The following LRMDA variants were observed in gnomAD, a reference collection of about 807,000 sequenced individuals.
LRMDA encodes leucine rich melanocyte differentiation associated, also known as leucine-rich melanocyte differentiation-associated protein.
A neutral mutation model predicts 29.8 loss-of-function variants in LRMDA; 18 were observed. The observed-to-expected ratio is 0.60, with a 90% CI of 0.42 to 0.90. LRMDA has a LOEUF of 0.90. LRMDA is among the 40% of genes least tolerant of loss of function. The pLI, the probability that LRMDA is intolerant of heterozygous loss-of-function variation, is 0.00. For synonymous variants in LRMDA, 125 were observed against 109.4 expected (o/e 1.14, Z -0.89); for missense variants, 273 against 273.9 (o/e 1.00, Z 0.02).
intron 5 of LRMDA, among the ~76,000 whole-genome samples, chr10:76,316,764 A>T (rs947883417): frequency 6.6e-6 from 1 of 152,252 alleles, no homozygotes; most frequent in African/African-American, 2.4e-5. Flanking sequence ...TGAATATATG[A>T]CACAAACTAA....
At chr10:76,063,432 G>A (rs547595437) in intron 5 of LRMDA, among the ~76,000 whole-genome samples, 6 of 152,244 alleles carry the variant, frequency 3.9e-5, no homozygotes, top group African/African-American at 1.4e-4. Flanking sequence ...CTTCTAAGTG[G>A]CGAGCGATTT....
chr10:76,225,275 G>A (rs1024949800), intron 5 of LRMDA, among the ~76,000 whole-genome samples: 3 of 152,070 alleles, frequency 2.0e-5, no homozygotes, highest in Non-Finnish European at 4.4e-5. Flanking sequence ...GCTGGGCGTG[G>A]TGGTGGGCGC....
At chr10:76,483,207 T>C (rs923011866) in intron 6 of LRMDA, among the ~76,000 whole-genome samples, 3 of 152,004 alleles carry the variant, frequency 2.0e-5, no homozygotes, top group Non-Finnish European at 2.9e-5. Flanking sequence ...TTCTTAATTT[T>C]AATGTAGCAC....
At chr10:76,243,279 A>G (rs1852311513) in intron 5 of LRMDA, among the ~76,000 whole-genome samples, 1 of 152,212 alleles carries the variant, frequency 6.6e-6, no homozygotes, top group South Asian at 2.1e-4. Flanking sequence ...CATTATAAAG[A>G]GAAATTATAA....
At chr10:76,302,723 C>T (rs1198263942) in intron 5 of LRMDA, among the ~76,000 whole-genome samples, 1 of 152,192 alleles carries the variant, frequency 6.6e-6, no homozygotes, top group Non-Finnish European at 1.5e-5. Context: ...CCTGAACTAA[C>T]ACTTGATTCT....
At chr10:75,571,484 G>GT (rs1840436914) in intron 2 of LRMDA, among the ~76,000 whole-genome samples, 1 of 152,106 alleles carries the variant, frequency 6.6e-6, no homozygotes, top group Non-Finnish European at 1.5e-5. Context: ...CTGTGCTTTT[G>GT]TTTGGACATC....
At chr10:75,838,524 T>C (rs1373723017) in intron 2 of LRMDA, among the ~76,000 whole-genome samples, 1 of 152,212 alleles carries the variant, frequency 6.6e-6, no homozygotes, top group Non-Finnish European at 1.5e-5. Context: ...CCAGCTGATT[T>C]GTGTGGGTCA....
chr10:75,784,703 G>GAAAAAAAAAAAAAA (rs373995294), intron 2 of LRMDA, among the ~76,000 whole-genome samples: 1 of 100,526 alleles, frequency 9.9e-6, no homozygotes. Flanking sequence ...CTCCATCTCA[G>GAAAAAAAAAAAAAA]AAAAAAAAAA....
At position 75,549,128 on chromosome 10, in the gene LRMDA, G is replaced by GTGGT. The variant is rs1379369875; in HGVS notation, c.131+110637_131+110640dup. ...CATAATGCTTTTGAGATTCATCCAT[G>GTGGT]TGGTTGCATGTATTACTAGCTTGTT... On this transcript the variant is annotated intron_variant, in intron 2 of 6. Transcript: ENST00000611255. 1.5e-4 allele frequency among the ~76,000 whole-genome samples: 23 copies of GTGGT among 152,172 alleles called. No individual in the cohort carries two copies. The East Asian group carries it at 4.5e-3, about 29-fold the overall frequency.
chr10:75,607,270 C>T lies in LRMDA; in HGVS notation c.131+168776C>T, dbSNP rs558112653. ...TCCTATCTTGTATTTATGAACAAGG[C>T]CTTTCTTGACATACGATAGGAAAGT... On this transcript the variant is annotated intron_variant, in intron 2 of 6. Coordinates refer to ENST00000611255, the MANE Select transcript of LRMDA (RefSeq NM_001305581.2). 5.3e-5 allele frequency among the ~76,000 whole-genome samples: 8 copies of T among 152,256 alleles called. 1 individual carries two copies. The South Asian group carries it at 1.7e-3, about 32-fold the overall frequency.
chr10:75,662,089 T>C (rs1213237641), intron 2 of LRMDA, among the ~76,000 whole-genome samples: 1 of 151,940 alleles, frequency 6.6e-6, no homozygotes, highest in African/African-American at 2.4e-5. Context: ...TGTTCTACTT[T>C]TAAAGGGGAG....
intron 5 of LRMDA, among the ~76,000 whole-genome samples, chr10:76,245,395 T>C (rs1852356523): frequency 6.6e-6 from 1 of 152,114 alleles, no homozygotes; most frequent in African/African-American, 2.4e-5. Context: ...GTAGTGGTGT[T>C]TGTTTTTGGG....
At chr10:76,401,710 G>T (rs535077914) in intron 6 of LRMDA, among the ~76,000 whole-genome samples, 1 of 152,134 alleles carries the variant, frequency 6.6e-6, no homozygotes, top group Middle Eastern at 3.2e-3. Context: ...ATCTGTACTT[G>T]CTGCATAGTC....
chr10:76,138,977 T>C lies in LRMDA; in HGVS notation c.516+80194T>C, dbSNP rs544709651. On this transcript the variant is annotated intron_variant, in intron 5 of 6. Coordinates refer to ENST00000611255, the MANE Select transcript of LRMDA (RefSeq NM_001305581.2). ...GGCAATATAAAAGAGTTACTGTGGATGTCATGGAAACTTATCTTTCCAGTG... is the reference window on the plus strand; with the variant it reads ...GGCAATATAAAAGAGTTACTGTGGACGTCATGGAAACTTATCTTTCCAGTG... Among the ~76,000 whole-genome samples, 95 of 152,306 alleles carry C rather than the reference T, an allele frequency of 6.2e-4. 1 individual carries two copies. The South Asian group carries it at 0.013, about 21-fold the overall frequency.
Position 75,727,312 on chromosome 10 carries a change from T to C in LRMDA, c.131+288818T>C, listed in dbSNP as rs575074476. On this transcript the variant is annotated intron_variant, in intron 2 of 6. Transcript: ENST00000611255. ...TCTGTCCTCTGAGCGTGTGTATGTG[T>C]GTTTGGGTAGCTGAGCTCAGCTGAC... Among the ~76,000 whole-genome samples the C allele has an allele frequency of 1.3e-4, 20 of 152,266 alleles. No homozygotes were observed. In the East Asian group the frequency reaches 3.7e-3, roughly 28 times the overall value.
intron 2 of LRMDA, among the ~76,000 whole-genome samples, chr10:75,986,244 A>G (rs1255790750): frequency 1.3e-5 from 2 of 152,238 alleles, no homozygotes; most frequent in African/African-American, 2.4e-5. Flanking sequence ...TATGGGTAAT[A>G]TAACAACTAC....
intron 2 of LRMDA, among the ~76,000 whole-genome samples, chr10:75,920,895 G>A (rs1017128317): frequency 5.3e-5 from 8 of 152,294 alleles, no homozygotes; most frequent in South Asian, 2.1e-4. Context: ...TGTCTGATAG[G>A]GTGTGCGGAT....
chr10:76,026,941 A>T (rs1848073072), intron 2 of LRMDA, among the ~76,000 whole-genome samples: 1 of 152,172 alleles, frequency 6.6e-6, no homozygotes, highest in Non-Finnish European at 1.5e-5. Flanking sequence ...CAGCTTCTCC[A>T]TTTTGACAAG....
At chr10:76,119,804 G>C (rs1008829107) in intron 5 of LRMDA, among the ~76,000 whole-genome samples, 1 of 152,128 alleles carries the variant, frequency 6.6e-6, no homozygotes, top group Non-Finnish European at 1.5e-5. Context: ...ATAATAATTC[G>C]TCATGGCTTT....
Sources: gnomAD v4.1 joint callset for allele counts (sites outside exome capture counted in the v4.1 genomes callset) on GRCh38, gnomAD v4.1.1 for gene constraint, MANE v1.5 for transcripts, NCBI Gene and HGNC (gene_info 2026-07-23, HGNC 2026-07-21) for gene names.